ASTN2: variants seen among roughly 807,000 people sequenced by gnomAD.
ASTN2 encodes the protein astrotactin 2.
A neutral mutation model predicts 139.8 loss-of-function variants in ASTN2; 54 were observed. That is an observed-to-expected ratio of 0.39 (90% CI 0.31 to 0.48). The LOEUF is 0.48. Ranked by LOEUF, ASTN2 falls within the 20% of genes least tolerant of loss-of-function variation. The pLI is 0.95. For synonymous variants in ASTN2, 756 were observed against 719.5 expected (o/e 1.05, Z -0.81); for missense variants, 1,565 against 1,725.1 (o/e 0.91, Z 1.64).
At chr9:116,741,159 A>G (rs1377581520) in intron 13 of ASTN2, among the ~76,000 whole-genome samples, 1 of 152,048 alleles carries the variant, frequency 6.6e-6, no homozygotes, top group African/African-American at 2.4e-5. Context: ...GCCCCCTTTT[A>G]AGAATATGTG....
At position 116,516,312 on chromosome 9, in the gene ASTN2, C is replaced by A. The variant is rs531296044; in HGVS notation, c.3356-28812G>T. Among the ~76,000 whole-genome samples the A allele has an allele frequency of 2.6e-5, 4 of 152,240 alleles. No homozygotes were observed. In the South Asian group the frequency reaches 8.3e-4, roughly 32 times the overall value. The stretch of plus-strand genomic sequence containing the variant: ...CAAAATGGGTCTTCTGTCTTTATAT[C>A]CTGCTGGAGGTAGCAGCTAACATGT... On this transcript the variant is annotated intron_variant, in intron 19 of 22. Coordinates refer to ENST00000313400, the MANE Select transcript of ASTN2 (RefSeq NM_001365068.1).
At position 117,225,553 on chromosome 9, in the gene ASTN2, A is replaced by G. The variant is rs1381818863; in HGVS notation, c.631-10811T>C. ...GCTGTATGTATATATATATATATAT[A>G]TATATATATATATATATATATACAG... On this transcript the variant is annotated intron_variant, in intron 2 of 22. Coordinates refer to ENST00000313400, the MANE Select transcript of ASTN2 (RefSeq NM_001365068.1). Among the ~76,000 whole-genome samples the G allele has an allele frequency of 4.4e-4, 42 of 95,660 alleles. 3 individuals carry two copies. The highest frequency in any genetic ancestry group is 1.2e-3 in the African/African-American group (25 of 20,058). 62.8% of individuals were successfully genotyped at this position (95,660 alleles called of 152,430 possible).
At chr9:117,016,812 T>TA (rs1837726758) in intron 6 of ASTN2, among the ~76,000 whole-genome samples, 2 of 83,710 alleles carry the variant, frequency 2.4e-5, no homozygotes, top group African/African-American at 7.3e-5. Flanking sequence ...ATATATATGT[T>TA]TTATATATAT....
chr9:117,042,408 CAGTCCTAG>C lies in ASTN2; in HGVS notation c.1277-2451_1277-2444del, dbSNP rs145424535. The stretch of plus-strand genomic sequence containing the variant: ...AGAACAAGACCCTTGTCTTTTTTCT[CAGTCCTAG>C]GACAATGCATGGCTTATGGTAGGAA... On this transcript the variant is annotated intron_variant, in intron 5 of 22. Coordinates refer to ENST00000313400, the MANE Select transcript of ASTN2 (RefSeq NM_001365068.1). Among the ~76,000 whole-genome samples the C allele has an allele frequency of 5.0e-3, 754 of 152,242 alleles. 3 individuals carry two copies. Among genetic ancestry groups the C allele is most frequent in the Non-Finnish European group, 7.7e-3 (527 of 68,004 alleles).
At chr9:117,040,739 A>C (rs1588503219) in intron 5 of ASTN2, among the ~76,000 whole-genome samples, 1 of 152,204 alleles carries the variant, frequency 6.6e-6, no homozygotes, top group Non-Finnish European at 1.5e-5. Flanking sequence ...GATTACAGGC[A>C]TAAGCCACCA....
At chr9:116,711,274 G>GC (rs979455937) in intron 16 of ASTN2, among the ~76,000 whole-genome samples, 1 of 152,126 alleles carries the variant, frequency 6.6e-6, no homozygotes, top group Admixed American at 6.5e-5. Flanking sequence ...ACTCTTCAAT[G>GC]CCCCATAACA....
intron 1 of ASTN2, among the ~76,000 whole-genome samples, chr9:117,300,247 G>A (rs899002595): frequency 6.6e-6 from 1 of 152,286 alleles, no homozygotes; most frequent in Middle Eastern, 3.4e-3. Context: ...AGTTTAGTCT[G>A]GATATTCCTT....
At chr9:117,218,716 C>T (rs1372142814) in intron 2 of ASTN2, among the ~76,000 whole-genome samples, 1 of 152,198 alleles carries the variant, frequency 6.6e-6, no homozygotes, top group Non-Finnish European at 1.5e-5. Flanking sequence ...GTTTATTAAT[C>T]AGTAAATCGG....
In ASTN2 at chr9:116,782,330, C is replaced by A. The variant is rs148311446; in HGVS notation, c.2396+23302G>T. Among the ~76,000 whole-genome samples the A allele has an allele frequency of 1.9e-3, 287 of 152,284 alleles. 2 individuals are homozygous for A. The highest frequency in any genetic ancestry group is 6.2e-3 in the African/African-American group (259 of 41,554). On this transcript the variant is annotated intron_variant, in intron 13 of 22. Transcript: ENST00000313400. ...CAGTCCCCAAGTACCAGTTCAGCGACCCAGTGCACCAACTTGACAATATTA... is the reference window on the plus strand; with the variant it reads ...CAGTCCCCAAGTACCAGTTCAGCGAACCAGTGCACCAACTTGACAATATTA...
chr9:116,681,555 C>T (rs1183378375), intron 16 of ASTN2, among the ~76,000 whole-genome samples: 2 of 152,170 alleles, frequency 1.3e-5, no homozygotes, highest in Non-Finnish European at 2.9e-5. Context: ...AAAAAAGAGC[C>T]TGCATTGCCA....
intron 10 of ASTN2, among the ~76,000 whole-genome samples, chr9:116,878,310 C>T (rs1833357807): frequency 6.6e-6 from 1 of 152,140 alleles, no homozygotes; most frequent in South Asian, 2.1e-4. Flanking sequence ...AACCCAAATG[C>T]CCGTCATGAC....
intron 1 of ASTN2, among the ~76,000 whole-genome samples, chr9:117,301,278 A>G (rs1484339797): frequency 1.3e-5 from 2 of 152,110 alleles, no homozygotes; most frequent in African/African-American, 4.8e-5. Flanking sequence ...ACACAGCCCA[A>G]TGTCAATGAG....
rs772753984 is a variant in ASTN2, at chr9:116,729,025, G to A, written c.2593C>T (p.Arg865Cys). 12 of 1,584,218 alleles carry A rather than the reference G, an allele frequency of 7.6e-6. No homozygotes were observed. The highest frequency in any genetic ancestry group is 2.3e-5 in the South Asian group (2 of 86,994). The part of the protein sequence containing the change: ...QQWRVRSNLY[R>C]VKLSTITLAA... ...AGGGTGATGGTGCTGAGCTTCACAC[G>A]GTAGAGGTTGCTCCGGACCCGCCAC... Residue 865 changes from arginine (R) to cysteine (C), a missense_variant, in exon 15 of 23, where the codon CGT (arginine) becomes TGT (cysteine). This residue lies in a region of ASTN2 where 503 missense variants were observed against 591.7 expected (regional missense o/e 0.85). Transcript: ENST00000313400.
At chr9:117,298,209 A>G (rs1834782935) in intron 1 of ASTN2, among the ~76,000 whole-genome samples, 1 of 152,232 alleles carries the variant, frequency 6.6e-6, no homozygotes, top group African/African-American at 2.4e-5. Context: ...ATTTCTCCCC[A>G]GTCTGATCTC....
chr9:117,348,125 GAGGCCTGTTCAGCCT>G (rs1052134914), intron 1 of ASTN2, among the ~76,000 whole-genome samples: 4 of 152,144 alleles, frequency 2.6e-5, no homozygotes, highest in African/African-American at 9.7e-5. Flanking sequence ...GGTAACTGGG[GAGGCCTGTTCAGCCT>G]AGGCCTGGCA....
chr9:116,940,327 AACTGTAAGACAACCTCAGACAAT>A (rs1835188898), intron 10 of ASTN2, among the ~76,000 whole-genome samples: 1 of 152,158 alleles, frequency 6.6e-6, no homozygotes, highest in Non-Finnish European at 1.5e-5. Flanking sequence ...AAGTCCTTGT[AACTGTAAGACAACCTCAGACAAT>A]ACCTCCAGGA....
chr9:116,749,159 C>G (rs1588262180), intron 13 of ASTN2, among the ~76,000 whole-genome samples: 2 of 152,030 alleles, frequency 1.3e-5, no homozygotes, highest in African/African-American at 4.8e-5. Flanking sequence ...ATGAAAAGAG[C>G]CCATAAAATG....
At chr9:117,382,162 G>A (rs1289839508) in intron 1 of ASTN2, among the ~76,000 whole-genome samples, 1 of 152,166 alleles carries the variant, frequency 6.6e-6, no homozygotes, top group Non-Finnish European at 1.5e-5. Context: ...CTTGGAGGGA[G>A]TCAAGAAAGT....
chr9:116,742,638 C>T (rs1037974401), intron 13 of ASTN2, among the ~76,000 whole-genome samples: 1 of 152,044 alleles, frequency 6.6e-6, no homozygotes, highest in Non-Finnish European at 1.5e-5. Context: ...AACAGGAGCT[C>T]CTGGGAGAGG....
Sources: gnomAD v4.1 joint callset for allele counts (sites outside exome capture counted in the v4.1 genomes callset) on GRCh38, gnomAD v4.1.1 for gene constraint, gnomAD v4.1.1 regional missense constraint, MANE v1.5 for transcripts, NCBI Gene and HGNC (gene_info 2026-07-23, HGNC 2026-07-21) for gene names.